Variants in LRP2 observed in about 807,000 individuals in gnomAD.
LRP2 encodes the protein LDL receptor related protein 2.
LRP2 carries 172 observed loss-of-function variants against 531.0 expected under a neutral mutation model. That is an observed-to-expected ratio of 0.32 (90% confidence interval 0.29 to 0.37). The LOEUF is 0.37. LRP2 is among the 10% of genes least tolerant of loss of function. The pLI, the probability that LRP2 is intolerant of heterozygous loss-of-function variation, is 1.00. For synonymous variants in LRP2, 1,992 were observed against 2,027.6 expected (o/e 0.98, Z 0.47); for missense variants, 5,167 against 5,868.3 (o/e 0.88, Z 3.90).
At chr2:169,201,940 A>T in intron 43 of LRP2, 70 bp from the exon 44 acceptor site, 1 of 1,580,674 alleles carries the variant, frequency 6.3e-7, no homozygotes, top group Non-Finnish European at 8.6e-7. Flanking sequence ...AAAAAGATAC[A>T]ATTAAATAAA....
rs553074040 is a variant in LRP2 at position 169,227,680 on chromosome 2, A to G, written c.5228-1092T>C. On this transcript the variant is annotated intron_variant, in intron 31 of 78. Transcript: ENST00000649046. ...CCATCTTCAGCAGGATGACTTGGTC[A>G]TTTTTTCTTTACTTATTTTCACATC... Among the ~76,000 whole-genome samples, 79 of 152,182 alleles carry G rather than the reference A, an allele frequency of 5.2e-4. 1 individual carries two copies. Among genetic ancestry groups the G allele is most frequent in the Admixed American group, 3.9e-4 (6 of 15,276 alleles).
Position 169,139,125 on chromosome 2 carries a change from G to T in LRP2, c.13388+126C>A. On this transcript the variant is annotated intron_variant, in intron 74 of 78. Coordinates refer to ENST00000649046, the MANE Select transcript of LRP2 (RefSeq NM_004525.3). ...CTGCTTTACATCCTCACTACTTTTT[G>T]TTTCTGTGGAATCGGTGAACTGCGT... 3 of 1,395,876 alleles carry T rather than the reference G, an allele frequency of 2.1e-6. No homozygotes were observed. In the Admixed American group the frequency reaches 5.2e-5, roughly 24 times the overall value. 86.5% of individuals were successfully genotyped at this position (1,395,876 alleles called of 1,614,324 possible). A position where few individuals can be genotyped will look rare whatever the true frequency, so the allele number is the denominator to read the frequency against.
chr2:169,351,740 G>C (rs1685855038), intron 1 of LRP2, among the ~76,000 whole-genome samples: 1 of 152,196 alleles, frequency 6.6e-6, no homozygotes, highest in Non-Finnish European at 1.5e-5. Flanking sequence ...TGTCAAGCGA[G>C]GCTAGTCAGT....
intron 1 of LRP2, among the ~76,000 whole-genome samples, chr2:169,327,631 G>C (rs1477311804): frequency 2.1e-5 from 2 of 97,204 alleles, no homozygotes; most frequent in African/African-American, 8.4e-5. Context: ...CCCTCTGCCG[G>C]GCCAGCCACC....
At position 169,133,550 on chromosome 2, in the gene LRP2, C is replaced by T. The variant is rs541901339; in HGVS notation, c.13621-869G>A. ...CAAAATATTTGTAAAATAAACATTT[C>T]TAGTTTCTGTATTAAAATGTGCCAT... On this transcript the variant is annotated intron_variant, in intron 76 of 78. Transcript: ENST00000649046. Among the ~76,000 whole-genome samples, 23 of 151,950 alleles carry T rather than the reference C, an allele frequency of 1.5e-4. No individual in the cohort carries two copies. The South Asian group carries it at 2.1e-3, about 14-fold the overall frequency.
intron 45 of LRP2, 116 bp downstream of exon 45, chr2:169,198,670 G>C: frequency 8.1e-7 from 1 of 1,231,120 alleles, no homozygotes; most frequent in East Asian, 2.5e-5. Flanking sequence ...CTACTTAGAA[G>C]GTCAATGTGA....
At chr2:169,309,740 G>C (rs1036812829) in intron 3 of LRP2, among the ~76,000 whole-genome samples, 5 of 152,074 alleles carry the variant, frequency 3.3e-5, no homozygotes, top group Non-Finnish European at 7.4e-5. Flanking sequence ...CTTTAAAGTA[G>C]TTTTTTCCAA....
Position 169,269,998 on chromosome 2 carries a change from A to T in LRP2, c.2320+906T>A, listed in dbSNP as rs185274642. Among the ~76,000 whole-genome samples, 132 of 150,962 alleles carry T rather than the reference A, an allele frequency of 8.7e-4. 1 individual carries two copies. The highest frequency in any genetic ancestry group is 3.1e-3 in the African/African-American group (124 of 40,310). On this transcript the variant is annotated intron_variant, in intron 16 of 78. Transcript: ENST00000649046. ...GACATTTATGGAGGCAACAGACACA[A>T]GAAAAAATGCTCATCATCACTAGCC...
intron 63 of LRP2, among the ~76,000 whole-genome samples, chr2:169,158,207 T>C (rs1345257892): frequency 1.3e-5 from 2 of 151,924 alleles, no homozygotes; most frequent in Non-Finnish European, 2.9e-5. Context: ...GAAAGAAATT[T>C]TGTACTATGT....
intron 6 of LRP2, among the ~76,000 whole-genome samples, chr2:169,292,760 G>T (rs897573077): frequency 3.3e-5 from 5 of 150,654 alleles, no homozygotes; most frequent in Non-Finnish European, 5.9e-5. Flanking sequence ...CCTGGTGGGG[G>T]TGTGTGGAGT....
intron 31 of LRP2, 109 bp downstream of exon 31, chr2:169,231,605 T>C: frequency 7.3e-7 from 1 of 1,364,726 alleles, no homozygotes; most frequent in Admixed American, 1.7e-5. Context: ...ACCTGAGGAA[T>C]CAAAGGACAC....
In LRP2 at chr2:169,201,861, G is replaced by A. The variant is rs1688214550; in HGVS notation, c.8219C>T (p.Thr2740Ile). ...DEMESVCALH[T>I]CSPTAFTCAN... The stretch of plus-strand genomic sequence containing the variant: ...ACAGGTGAAGGCTGTCGGTGAGCAG[G>A]TGTGAAGTGCTAAGAACAGGAAAAA... The change falls in exon 44 of 79, where the codon ACC becomes ATC. Residue 2740 changes from threonine to isoleucine, a missense_variant. Physicochemically the swap from Thr to Ile is moderately conservative, Grantham distance 89. Coordinates refer to ENST00000649046, the MANE Select transcript of LRP2 (RefSeq NM_004525.3). 1 of 1,613,996 alleles carries A rather than the reference G, an allele frequency of 6.2e-7. No homozygotes were observed. The highest frequency in any genetic ancestry group is 8.5e-7 in the Non-Finnish European group (1 of 1,180,018).
rs1479424535 is a variant in LRP2, at chr2:169,246,891, A to C, written c.3004T>G (p.Tyr1002Asp). The C allele has an allele frequency of 3.1e-6, 5 of 1,614,022 alleles. No homozygotes were observed. Among genetic ancestry groups the C allele is most frequent in the Non-Finnish European group, 4.2e-6 (5 of 1,180,032 alleles). The stretch of plus-strand genomic sequence containing the variant: ...TGATTGGAAGCCAGCCTCATTCCAT[A>C]AGGGCACCCACACACTCGCTGGAAA... ...PNFQRVCGCP[Y>D]GMRLASNHLT... Residue 1002 changes from tyrosine (Y) to aspartate (D), a missense_variant, in exon 21 of 79, where the codon TAT becomes GAT. Tyr to Asp is a radical substitution (Grantham distance 160). Transcript: ENST00000649046.
intron 17 of LRP2, 108 bp downstream of exon 17, chr2:169,258,917 G>C (rs148609595): frequency 7.0e-6 from 7 of 1,004,836 alleles, no homozygotes; most frequent in African/African-American, 6.4e-5. Context: ...AACTTATACA[G>C]TTCAATCTTA....
In LRP2 at chr2:169,155,067, A is replaced by T. The variant is rs114646035; in HGVS notation, c.12152-464T>A. Reference sequence around the variant, plus strand: ...ATTTTATGATTCTTTTTAGCAGGTAATCAGCTCTATGACCCAATTTAGCTC... The same window carrying T: ...ATTTTATGATTCTTTTTAGCAGGTATTCAGCTCTATGACCCAATTTAGCTC... On this transcript the variant is annotated intron_variant, in intron 65 of 78. Coordinates refer to ENST00000649046, the MANE Select transcript of LRP2 (RefSeq NM_004525.3). 9.7e-3 allele frequency among the ~76,000 whole-genome samples: 1,480 copies of T among 152,296 alleles called. 23 individuals are homozygous for T. Among genetic ancestry groups the T allele is most frequent in the African/African-American group, 0.034 (1,394 of 41,564 alleles).
intron 19 of LRP2, among the ~76,000 whole-genome samples, chr2:169,247,828 T>C (rs1169797457): frequency 1.3e-5 from 2 of 152,176 alleles, no homozygotes; most frequent in South Asian, 2.1e-4. Context: ...GGAATTCTTC[T>C]ACAGAGCATT....
chr2:169,143,654 A>G (rs1490013238), intron 70 of LRP2, among the ~76,000 whole-genome samples: 1 of 152,182 alleles, frequency 6.6e-6, no homozygotes, highest in Non-Finnish European at 1.5e-5. Flanking sequence ...TCAAAAACAA[A>G]AAACAAACAA....
At chr2:169,354,924 A>G (rs1685949546) in intron 1 of LRP2, among the ~76,000 whole-genome samples, 1 of 152,230 alleles carries the variant, frequency 6.6e-6, no homozygotes, top group South Asian at 2.1e-4. Context: ...CCCCATCCTT[A>G]TAGCAAAGGA....
intron 34 of LRP2, 42 bp downstream of exon 34, chr2:169,220,412 A>G: frequency 7.1e-7 from 1 of 1,405,082 alleles, no homozygotes; most frequent in Non-Finnish European, 1.0e-6. Context: ...ATTAACAAGA[A>G]CAATGCTGCA....
Sources: gnomAD v4.1 joint callset for allele counts (sites outside exome capture counted in the v4.1 genomes callset) on GRCh38, gnomAD v4.1.1 for gene constraint, MANE v1.5 for transcripts, NCBI Gene and HGNC (gene_info 2026-07-23, HGNC 2026-07-21) for gene names.